The following POU2F1 variants were observed in gnomAD, a reference collection of about 807,000 sequenced individuals.
POU2F1 encodes the protein POU domain, class 2, transcription factor 1.
POU2F1 carries 16 observed loss-of-function variants against 84.9 expected under a neutral mutation model. The ratio of observed to expected loss-of-function variants is 0.19; its 90% confidence interval spans 0.13 to 0.29. The LOEUF (loss-of-function observed/expected upper bound fraction) is 0.29. POU2F1 is among the 10% of genes least tolerant of loss of function. The pLI, the probability that POU2F1 is intolerant of heterozygous loss-of-function variation, is 1.00. For missense variants in POU2F1, 738 were observed against 942.6 expected, an observed-to-expected ratio of 0.78 and a Z score of 2.84; for synonymous variants, 368 against 368.3, an observed-to-expected ratio of 1.00 and a Z score of 0.01.
chr1:167,283,000 T>C (rs1328197388), intron 1 of POU2F1, among the ~76,000 whole-genome samples: 1 of 152,188 alleles, frequency 6.6e-6, no homozygotes, highest in Non-Finnish European at 1.5e-5. Flanking sequence ...TGTTAAACAC[T>C]TAGAATAATT....
intron 1 of POU2F1, among the ~76,000 whole-genome samples, chr1:167,230,422 C>T (rs1423954206): frequency 6.6e-6 from 1 of 151,702 alleles, no homozygotes; most frequent in Non-Finnish European, 1.5e-5. Context: ...TTTTAAAAGC[C>T]TTTGGTGTTC....
chr1:167,305,294 C>A (rs115955010), intron 1 of POU2F1, among the ~76,000 whole-genome samples: 2,333 of 152,026 alleles, frequency 0.015, 64 homozygotes, highest in African/African-American at 0.054. Flanking sequence ...CTCACGTGAT[C>A]ATCCCACCTC....
intron 1 of POU2F1, among the ~76,000 whole-genome samples, chr1:167,278,666 T>A (rs1394834661): frequency 6.6e-6 from 1 of 152,214 alleles, no homozygotes; most frequent in Non-Finnish European, 1.5e-5. Context: ...TCTGGGAACT[T>A]TATTTTTACC....
chr1:167,341,724 A>G (rs1242622955), intron 2 of POU2F1, among the ~76,000 whole-genome samples: 4 of 152,188 alleles, frequency 2.6e-5, no homozygotes, highest in Admixed American at 2.0e-4. Flanking sequence ...TAGCCTTGCC[A>G]TCTACAGACA....
chr1:167,321,277 A>G (rs1656294142), intron 1 of POU2F1, among the ~76,000 whole-genome samples: 1 of 152,232 alleles, frequency 6.6e-6, no homozygotes, highest in Non-Finnish European at 1.5e-5. Flanking sequence ...TTGTGGCAAC[A>G]CTTTCCTATA....
intron 2 of POU2F1, among the ~76,000 whole-genome samples, chr1:167,354,003 A>G (rs919931690): frequency 4.6e-5 from 7 of 152,254 alleles, no homozygotes; most frequent in Middle Eastern, 3.2e-3. Flanking sequence ...GCCTGTTTCC[A>G]TAATGAAATT....
At chr1:167,233,142 T>A (rs986504306) in intron 1 of POU2F1, among the ~76,000 whole-genome samples, 1 of 151,182 alleles carries the variant, frequency 6.6e-6, no homozygotes, top group African/African-American at 2.4e-5. Context: ...TTTTTAATTT[T>A]TTTTTTTTTT....
At chr1:167,381,375 G>T (rs371458495) in intron 7 of POU2F1, among the ~76,000 whole-genome samples, 4 of 152,104 alleles carry the variant, frequency 2.6e-5, no homozygotes, top group Non-Finnish European at 5.9e-5. Flanking sequence ...GAGCCATGGC[G>T]CCTGGCCAAG....
intron 1 of POU2F1, among the ~76,000 whole-genome samples, chr1:167,295,694 A>G (rs1158584579): frequency 1.3e-5 from 2 of 152,232 alleles, no homozygotes; most frequent in Non-Finnish European, 2.9e-5. Flanking sequence ...AGCCATGAAC[A>G]TGATTCAGAG....
chr1:167,308,525 C>G (rs756378310), intron 1 of POU2F1, among the ~76,000 whole-genome samples: 2 of 151,966 alleles, frequency 1.3e-5, no homozygotes, highest in African/African-American at 2.4e-5. Flanking sequence ...TAATAGTGGT[C>G]CTCTCTCCCT....
chr1:167,413,164 T>A (rs750662497), intron 15 of POU2F1, 50 bp downstream of exon 15: 12 of 50,854 alleles, frequency 2.4e-4, no homozygotes, highest in African/African-American at 1.9e-3. Flanking sequence ...TGTGTGTGAG[T>A]GTGTGTGTGT....
chr1:167,388,864 C>T (rs764182699), intron 8 of POU2F1, among the ~76,000 whole-genome samples: 3 of 152,296 alleles, frequency 2.0e-5, no homozygotes, highest in Middle Eastern at 3.4e-3. Flanking sequence ...CCTGTGCTTG[C>T]ATGCCTGTCT....
At chr1:167,360,855 C>T (rs139742910) in intron 2 of POU2F1, among the ~76,000 whole-genome samples, 9 of 152,140 alleles carry the variant, frequency 5.9e-5, no homozygotes, top group African/African-American at 2.2e-4. Flanking sequence ...TTGTTTGTGT[C>T]GTCTGTGATT....
At chr1:167,379,220 A>G (rs1647328380) in intron 7 of POU2F1, 1 of 152,330 alleles carries the variant, frequency 6.6e-6, no homozygotes, top group African/African-American at 2.4e-5. Context: ...GGCATGAGCC[A>G]CTGTATCTGG....
At chr1:167,296,638 A>G (rs1253539052) in intron 1 of POU2F1, among the ~76,000 whole-genome samples, 2 of 152,214 alleles carry the variant, frequency 1.3e-5, no homozygotes, top group African/African-American at 4.8e-5. Context: ...ATAAAAATAA[A>G]TTTACAAAAA....
At chr1:167,388,076 G>A (rs1028013400) in intron 8 of POU2F1, among the ~76,000 whole-genome samples, 2 of 152,154 alleles carry the variant, frequency 1.3e-5, no homozygotes, top group Non-Finnish European at 2.9e-5. Flanking sequence ...AATTGGAAAA[G>A]CATTTGCATT....
chr1:167,358,737 T>TTTTTTTTTTTTTTTTG lies in POU2F1; in HGVS notation c.128-6730_128-6729insTTTTTTTTTTTTTTTG, dbSNP rs71097670. Among the ~76,000 whole-genome samples the TTTTTTTTTTTTTTTTG allele has an allele frequency of 1.4e-3, 128 of 88,806 alleles. 18 individuals carry two copies. The highest frequency in any genetic ancestry group is 7.2e-3 in the Middle Eastern group (1 of 138). The allele number at this position is 88,806 out of a possible 152,430, so 58.3% of individuals were successfully genotyped here. The stretch of plus-strand genomic sequence containing the variant: ...GCAGCTTTTTTTTTTTTTTTTTTTT[T>TTTTTTTTTTTTTTTTG]GAGACAGGTTCTGACTGTGCTGCTC... On this transcript the variant is annotated intron_variant, in intron 2 of 15. Transcript: ENST00000367866.
intron 6 of POU2F1, 24 bp from the exon 7 acceptor site, chr1:167,376,005 C>T: frequency 6.2e-7 from 1 of 1,613,308 alleles, no homozygotes; most frequent in Non-Finnish European, 8.5e-7. Flanking sequence ...ATCTCCAATC[C>T]ATGTTTTAAT....
intron 1 of POU2F1, among the ~76,000 whole-genome samples, chr1:167,272,653 C>A (rs13375924): frequency 0.015 from 2,327 of 152,158 alleles, 64 homozygotes; most frequent in African/African-American, 0.054. Context: ...ACAACCAGAT[C>A]TTGTGAGAAC....
Sources: gnomAD v4.1 joint callset for allele counts (sites outside exome capture counted in the v4.1 genomes callset) on GRCh38, gnomAD v4.1.1 for gene constraint, MANE v1.5 for transcripts, NCBI Gene and HGNC (gene_info 2026-07-23, HGNC 2026-07-21) for gene names.